Variants in LARGE1 observed in about 807,000 individuals in gnomAD.
The protein encoded by LARGE1 is xylosyl- and glucuronyltransferase LARGE1.
LARGE1 carries 43 observed loss-of-function variants against 87.6 expected under a neutral mutation model. That is an observed-to-expected ratio of 0.49 (90% CI 0.38 to 0.63). The LOEUF (loss-of-function observed/expected upper bound fraction) is 0.63. Ranked by LOEUF, LARGE1 falls within the 30% of genes least tolerant of loss-of-function variation. The pLI is 0.00. For missense variants in LARGE1, 802 were observed against 1,000.2 expected (o/e 0.80, Z 2.67); for synonymous variants, 434 against 394.6 (o/e 1.10, Z -1.18).
chr22:33,379,183 T>G (rs2065077568), intron 9 of LARGE1, among the ~76,000 whole-genome samples: 2 of 151,952 alleles, frequency 1.3e-5, no homozygotes, highest in African/African-American at 4.8e-5. Flanking sequence ...TCTTTTTTTT[T>G]TTTTTGAGTG....
At chr22:33,784,867 GTATT>G (rs568383162) in intron 1 of LARGE1, among the ~76,000 whole-genome samples, 88 of 150,214 alleles carry the variant, frequency 5.9e-4, no homozygotes, top group African/African-American at 2.1e-3. Flanking sequence ...ATATTTGTAC[GTATT>G]TATACTATAT....
chr22:33,186,479 T>C (rs1923482173), intron 11 of LARGE1, among the ~76,000 whole-genome samples: 1 of 152,136 alleles, frequency 6.6e-6, no homozygotes, highest in Admixed American at 6.5e-5. Context: ...GAAATAGGAC[T>C]AGAAAGCTTC....
intron 1 of LARGE1, among the ~76,000 whole-genome samples, chr22:33,811,047 T>C (rs2086479409): frequency 6.6e-6 from 1 of 152,222 alleles, no homozygotes; most frequent in African/African-American, 2.4e-5. Context: ...CCCCGACTCA[T>C]ATAAACATGA....
intron 3 of LARGE1, 56 bp downstream of exon 3, chr22:33,650,311 G>A: frequency 1.9e-6 from 3 of 1,603,994 alleles, no homozygotes; most frequent in Non-Finnish European, 2.6e-6. Flanking sequence ...TTTGCAAGGG[G>A]TGAGGGCAAT....
At chr22:33,352,202 C>T (rs1569085310) in intron 9 of LARGE1, among the ~76,000 whole-genome samples, 1 of 152,108 alleles carries the variant, frequency 6.6e-6, no homozygotes, top group Non-Finnish European at 1.5e-5. Context: ...AAATCTATCC[C>T]CTCAGTCTAA....
intron 5 of LARGE1, among the ~76,000 whole-genome samples, chr22:33,567,904 C>A (rs1227995205): frequency 6.6e-6 from 1 of 152,182 alleles, no homozygotes; most frequent in South Asian, 2.1e-4. Context: ...AGGATAATGG[C>A]CTCCAGCTCC....
intron 10 of LARGE1, among the ~76,000 whole-genome samples, chr22:33,329,664 A>C (rs1346512517): frequency 6.6e-6 from 1 of 152,094 alleles, no homozygotes; most frequent in Non-Finnish European, 1.5e-5. Flanking sequence ...ACAGTCATCA[A>C]ATATTGTAAA....
At chr22:33,572,421 T>G (rs957994144) in intron 5 of LARGE1, among the ~76,000 whole-genome samples, 1 of 152,190 alleles carries the variant, frequency 6.6e-6, no homozygotes, top group Non-Finnish European at 1.5e-5. Flanking sequence ...GGCCCAATTC[T>G]GAATCCTGAC....
intron 1 of LARGE1, among the ~76,000 whole-genome samples, chr22:33,884,823 C>T (rs1010899181): frequency 6.6e-6 from 1 of 152,160 alleles, no homozygotes; most frequent in African/African-American, 2.4e-5. Context: ...AATCAACCTC[C>T]CCTCCTGTTT....
the LARGE1 span, among the ~76,000 whole-genome samples, chr22:33,089,321 T>TTTCTTCTTCTTCTTCTTCTTCTTC: frequency 1.6e-3 from 135 of 87,086 alleles, 1 homozygote; most frequent in Admixed American, 9.3e-3. Flanking sequence ...TTCTTTCTTC[T>TTTCTTCTTCTTCTTCTTCTTCTTC]TTCTTCTTCT....
chr22:33,663,320 C>T (rs1030041464), intron 2 of LARGE1, among the ~76,000 whole-genome samples: 5 of 152,060 alleles, frequency 3.3e-5, no homozygotes, highest in Non-Finnish European at 5.9e-5. Flanking sequence ...CTACTTTTGA[C>T]GGACGGGTAT....
intron 5 of LARGE1, among the ~76,000 whole-genome samples, chr22:33,591,645 C>T (rs1010161668): frequency 6.6e-6 from 1 of 151,916 alleles, no homozygotes; most frequent in Admixed American, 6.6e-5. Flanking sequence ...GAACAAAAAT[C>T]CTCAACTTCG....
At chr22:33,870,214 A>G (rs1034244973) in intron 1 of LARGE1, among the ~76,000 whole-genome samples, 5 of 152,194 alleles carry the variant, frequency 3.3e-5, no homozygotes, top group Non-Finnish European at 7.3e-5. Flanking sequence ...TACCAGCCAG[A>G]GTGCCAAAGA....
chr22:33,313,967 C>T (rs1935878391), intron 11 of LARGE1, among the ~76,000 whole-genome samples: 1 of 152,228 alleles, frequency 6.6e-6, no homozygotes, highest in Non-Finnish European at 1.5e-5. Flanking sequence ...CTGAGCCCCA[C>T]ATAGGCTGCA....
intron 12 of LARGE1, among the ~76,000 whole-genome samples, chr22:33,285,410 G>A (rs1293573459): frequency 2.6e-5 from 4 of 152,150 alleles, no homozygotes; most frequent in African/African-American, 9.7e-5. Flanking sequence ...CGGATCACAA[G>A]GTCAGGAGTT....
At chr22:33,688,577 C>G (rs370539998) in intron 2 of LARGE1, among the ~76,000 whole-genome samples, 1 of 152,190 alleles carries the variant, frequency 6.6e-6, no homozygotes, top group East Asian at 1.9e-4. Flanking sequence ...TCTTGAACTC[C>G]CAACCTCAGG....
At chr22:33,592,812 C>CT (rs945650283) in intron 5 of LARGE1, among the ~76,000 whole-genome samples, 6 of 150,696 alleles carry the variant, frequency 4.0e-5, no homozygotes, top group Admixed American at 1.3e-4. Flanking sequence ...TGTATATTTT[C>CT]TTTTTTTTTC....
intron 5 of LARGE1, among the ~76,000 whole-genome samples, chr22:33,570,646 CAAAAAAA>C (rs10590542): frequency 4.9e-5 from 4 of 80,898 alleles, no homozygotes; most frequent in Non-Finnish European, 9.4e-5. Context: ...GACTCCATTT[CAAAAAAA>C]AAAAAAAAAA....
At chr22:33,293,462 A>C (rs1932873661) in intron 12 of LARGE1, among the ~76,000 whole-genome samples, 1 of 152,232 alleles carries the variant, frequency 6.6e-6, no homozygotes, top group Admixed American at 6.5e-5. Context: ...TGAAGTCTGC[A>C]CCAGCTTAAA....
Sources: gnomAD v4.1 joint callset for allele counts (sites outside exome capture counted in the v4.1 genomes callset) on GRCh38, gnomAD v4.1.1 for gene constraint, MANE v1.5 for transcripts, NCBI Gene and HGNC (gene_info 2026-07-23, HGNC 2026-07-21) for gene names.